The following CIRSR variants were observed in gnomAD, a reference collection of about 807,000 sequenced individuals.
CIRSR encodes the protein CBF1 (RBPJ) interacting corepressor 1.
the CIRSR span, among the ~76,000 whole-genome samples, chr2:174,377,753 A>T: frequency 7.9e-5 from 11 of 138,824 alleles, no homozygotes; most frequent in East Asian, 2.3e-3. Context: ...TGAGCCCGGA[A>T]ATTGGAGGTT....
At chr2:174,367,407 G>A in the CIRSR span, among the ~76,000 whole-genome samples, 25 of 152,106 alleles carry the variant, frequency 1.6e-4, no homozygotes, top group South Asian at 1.0e-3. Flanking sequence ...GTGAAACCCC[G>A]TCTCTACTAA....
chr2:174,348,401 A>G, the CIRSR span: 4 of 1,507,142 alleles, frequency 2.7e-6, no homozygotes, highest in Non-Finnish European at 3.5e-6. Flanking sequence ...ACAACAGTAC[A>G]TAATTTACCC....
At chr2:174,395,529 C>T in the CIRSR span, 1 of 1,612,504 alleles carries the variant, frequency 6.2e-7, no homozygotes, top group East Asian at 2.2e-5. Context: ...GGCCTAATCC[C>T]TCCCCGGGTC....
the CIRSR span, among the ~76,000 whole-genome samples, chr2:174,367,229 G>A: frequency 1.3e-5 from 2 of 152,172 alleles, no homozygotes; most frequent in South Asian, 2.1e-4. Context: ...GAGGCCAGGA[G>A]TTGAAGACCA....
the CIRSR span, among the ~76,000 whole-genome samples, chr2:174,354,327 C>T: frequency 1.5e-5 from 2 of 136,804 alleles, no homozygotes; most frequent in Non-Finnish European, 3.0e-5. Flanking sequence ...ATTCAACTTT[C>T]TTATATAAGA....
the CIRSR span, chr2:174,351,621 G>T: frequency 6.2e-7 from 1 of 1,611,422 alleles, no homozygotes; most frequent in South Asian, 1.1e-5. Flanking sequence ...ATCATTACCT[G>T]TGATGGATCA....
chr2:174,355,707 A>G, the CIRSR span, among the ~76,000 whole-genome samples: 5 of 152,356 alleles, frequency 3.3e-5, no homozygotes, highest in East Asian at 9.6e-4. Context: ...ACTCACTAAG[A>G]GTATTCATTT....
At chr2:174,364,183 A>C in the CIRSR span, among the ~76,000 whole-genome samples, 1 of 152,174 alleles carries the variant, frequency 6.6e-6, no homozygotes, top group Non-Finnish European at 1.5e-5. Flanking sequence ...GGCTCCATGC[A>C]AGTCCAAAAT....
At chr2:174,395,504 A>C in the CIRSR span, 1 of 1,568,704 alleles carries the variant, frequency 6.4e-7, no homozygotes, top group East Asian at 2.2e-5. Flanking sequence ...AGCCTCTGGG[A>C]AGGCGGTCCC....
At chr2:174,387,464 A>G in the CIRSR span, 1 of 427,940 alleles carries the variant, frequency 2.3e-6, no homozygotes, top group Non-Finnish European at 4.1e-6. Context: ...CAAAGACTGT[A>G]TATGAGTCAC....
chr2:174,379,060 AT>A, the CIRSR span: 1 of 1,553,354 alleles, frequency 6.4e-7, no homozygotes, highest in South Asian at 1.1e-5. Context: ...AATGAATGTG[AT>A]TTTGGTTACT....
the CIRSR span, among the ~76,000 whole-genome samples, chr2:174,362,864 A>C: frequency 6.6e-6 from 1 of 152,078 alleles, no homozygotes; most frequent in East Asian, 1.9e-4. Context: ...TAATTTGACT[A>C]ATTGTTGGAG....
chr2:174,356,438 C>T, the CIRSR span, among the ~76,000 whole-genome samples: 4 of 151,310 alleles, frequency 2.6e-5, no homozygotes, highest in South Asian at 2.1e-4. Flanking sequence ...CACTGCACTC[C>T]GGCCTCAGCA....
chr2:174,356,605 A>AAGGAAGGAAGGAAG, the CIRSR span, among the ~76,000 whole-genome samples: 1 of 150,372 alleles, frequency 6.7e-6, no homozygotes, highest in African/African-American at 2.4e-5. Flanking sequence ...GAGGGAGGGA[A>AAGGAAGGAAGGAAG]GAAGGAAGGA....
the CIRSR span, among the ~76,000 whole-genome samples, chr2:174,359,312 T>G: frequency 6.9e-6 from 1 of 144,390 alleles, no homozygotes; most frequent in African/African-American, 2.6e-5. Context: ...AAACTCTACA[T>G]TTAAGACCAG....
the CIRSR span, chr2:174,381,652 GC>G: frequency 7.2e-7 from 1 of 1,387,088 alleles, no homozygotes; most frequent in Non-Finnish European, 1.0e-6. Flanking sequence ...GCAAGACTGT[GC>G]CTCAGAAAAA....
the CIRSR span, among the ~76,000 whole-genome samples, chr2:174,379,617 T>C: frequency 6.6e-6 from 1 of 152,144 alleles, no homozygotes; most frequent in Non-Finnish European, 1.5e-5. Context: ...CAATAATAGA[T>C]TTAAATCTTT....
chr2:174,389,136 C>T, the CIRSR span, among the ~76,000 whole-genome samples: 14 of 152,180 alleles, frequency 9.2e-5, no homozygotes, highest in African/African-American at 2.9e-4. Context: ...AAAGGATACC[C>T]GAAAATGTGG....
At chr2:174,375,603 G>A in the CIRSR span, among the ~76,000 whole-genome samples, 4 of 152,084 alleles carry the variant, frequency 2.6e-5, no homozygotes, top group South Asian at 4.1e-4. Flanking sequence ...GGATGACACC[G>A]TCTCAAAAAA....
Sources: allele counts gnomAD v4.1 joint callset (sites outside exome capture counted in the v4.1 genomes callset), GRCh38; gene constraint gnomAD v4.1.1; transcripts MANE v1.5; gene names NCBI Gene and HGNC (gene_info 2026-07-23, HGNC 2026-07-21).